RBFOX1: variants seen among roughly 807,000 people sequenced by gnomAD.
RBFOX1 encodes RNA binding fox-1 homolog 1.
Under a neutral mutation model 57.7 loss-of-function variants are expected in RBFOX1, and 8 were observed. That is an observed-to-expected ratio of 0.14 (90% confidence interval 0.08 to 0.25). The LOEUF (loss-of-function observed/expected upper bound fraction) is 0.25. Ranked by LOEUF, RBFOX1 falls within the 10% of genes least tolerant of loss-of-function variation. The pLI, the probability that RBFOX1 is intolerant of heterozygous loss-of-function variation, is 1.00. For missense variants in RBFOX1, 611 were observed against 548.5 expected, an observed-to-expected ratio of 1.11 and a Z score of -1.14; for synonymous variants, 326 against 222.4, an observed-to-expected ratio of 1.47 and a Z score of -4.15.
chr16:7,630,622 G>A lies in RBFOX1; in HGVS notation c.696G>A (p.Gln232=), dbSNP rs2060799650. The part of the protein sequence containing the change: ...EFYAGTVLLC[Q]ANQEGSSMYS... Reference sequence around the variant, plus strand: ...TCGTAGGCACGGTCCTGTTGTGCCAGGCCAACCAGGAGGGATCTTCCATGT... The same window carrying A: ...TCGTAGGCACGGTCCTGTTGTGCCAAGCCAACCAGGAGGGATCTTCCATGT... The change falls in exon 11 of 16, where the codon CAG becomes CAA. Residue 232 remains glutamine (Q), a synonymous_variant. Coordinates refer to ENST00000550418, the MANE Select transcript of RBFOX1 (RefSeq NM_018723.4). The A allele has an allele frequency of 1.2e-6, 2 of 1,614,148 alleles. No individual in the cohort carries two copies. The highest frequency in any genetic ancestry group is 1.3e-5 in the African/African-American group (1 of 75,034).
chr16:6,465,297 G>T (rs1364402731), intron 2 of RBFOX1, among the ~76,000 whole-genome samples: 2 of 152,114 alleles, frequency 1.3e-5, no homozygotes, highest in Non-Finnish European at 2.9e-5. Flanking sequence ...TTATTTCATA[G>T]GGAGAAGGAG....
At chr16:6,571,923 A>C (rs1008689222) in intron 2 of RBFOX1, among the ~76,000 whole-genome samples, 1 of 152,204 alleles carries the variant, frequency 6.6e-6, no homozygotes, top group African/African-American at 2.4e-5. Context: ...CTTTTATTAC[A>C]ATTATGATTA....
chr16:6,485,343 C>T (rs1436882764), intron 2 of RBFOX1, among the ~76,000 whole-genome samples: 1 of 150,086 alleles, frequency 6.7e-6, no homozygotes, highest in Non-Finnish European at 1.5e-5. Flanking sequence ...CTCCCTCCCT[C>T]TCTTACCCCT....
intron 3 of RBFOX1, among the ~76,000 whole-genome samples, chr16:6,851,647 G>C (rs2094071129): frequency 6.6e-6 from 1 of 152,130 alleles, no homozygotes; most frequent in African/African-American, 2.4e-5. Context: ...TGTTGTCAGG[G>C]AAAGAACAAG....
chr16:7,677,509 A>G (rs920315519), intron 14 of RBFOX1, among the ~76,000 whole-genome samples: 4 of 152,132 alleles, frequency 2.6e-5, no homozygotes, highest in African/African-American at 9.7e-5. Flanking sequence ...ATGGATGGGC[A>G]GGTTGCGGGG....
intron 2 of RBFOX1, among the ~76,000 whole-genome samples, chr16:5,506,077 C>T (rs185967434): frequency 7.2e-5 from 11 of 152,276 alleles, no homozygotes; most frequent in African/African-American, 1.9e-4. Flanking sequence ...AAATGAGGAG[C>T]CCTTCCCTTG....
At chr16:7,414,334 A>C (rs971760199) in intron 4 of RBFOX1, among the ~76,000 whole-genome samples, 15 of 152,222 alleles carry the variant, frequency 9.9e-5, no homozygotes, top group African/African-American at 3.6e-4. Flanking sequence ...ACAAAGTTGG[A>C]GTAAAAGTAA....
chr16:6,145,859 A>G lies in RBFOX1; in HGVS notation c.-127+125867A>G, dbSNP rs1197879969. 2.0e-5 allele frequency among the ~76,000 whole-genome samples: 3 copies of G among 152,308 alleles called. No individual in the cohort carries two copies. In the East Asian group the frequency reaches 5.8e-4, roughly 29 times the overall value. ...TAATTAATGGTGTTGCTTTTCTTGTATGTGGCCTTGACAAGACTCTCTCAC... is the reference window on the plus strand; with the variant it reads ...TAATTAATGGTGTTGCTTTTCTTGTGTGTGGCCTTGACAAGACTCTCTCAC... On this transcript the variant is annotated intron_variant, in intron 1 of 15. Transcript: ENST00000550418.
chr16:5,616,616 TTC>T (rs1175933873), intron 3 of RBFOX1, among the ~76,000 whole-genome samples: 2 of 143,478 alleles, frequency 1.4e-5, no homozygotes, highest in Non-Finnish European at 3.1e-5. Flanking sequence ...TCCCTCTCTC[TTC>T]TCTCTCTCCC....
chr16:6,002,848 G>C (rs1173674270), intron 4 of RBFOX1, among the ~76,000 whole-genome samples: 2 of 151,958 alleles, frequency 1.3e-5, no homozygotes, highest in Non-Finnish European at 2.9e-5. Flanking sequence ...GACTCCCATA[G>C]GGTTGTGTGT....
intron 3 of RBFOX1, among the ~76,000 whole-genome samples, chr16:6,928,369 T>A (rs1329536223): frequency 6.6e-6 from 1 of 152,050 alleles, no homozygotes; most frequent in Non-Finnish European, 1.5e-5. Context: ...GAATCCTGAT[T>A]TCTGGAGCCA....
chr16:6,782,204 G>A (rs574042160), intron 3 of RBFOX1, among the ~76,000 whole-genome samples: 8 of 152,144 alleles, frequency 5.3e-5, no homozygotes, highest in East Asian at 1.9e-4. Context: ...ACAGGGTTTC[G>A]CCATGTTGGC....
At chr16:5,818,897 C>G (rs957741281) in intron 3 of RBFOX1, among the ~76,000 whole-genome samples, 1 of 152,164 alleles carries the variant, frequency 6.6e-6, no homozygotes, top group Non-Finnish European at 1.5e-5. Flanking sequence ...CCTCCACCCA[C>G]CAAATACATC....
intron 4 of RBFOX1, among the ~76,000 whole-genome samples, chr16:7,226,019 A>T (rs539423968): frequency 6.6e-6 from 1 of 151,556 alleles, no homozygotes; most frequent in African/African-American, 2.4e-5. Context: ...GAATCTGTAC[A>T]CTCTGCTTTT....
At chr16:5,751,986 G>A (rs2151621720) in intron 3 of RBFOX1, among the ~76,000 whole-genome samples, 1 of 152,230 alleles carries the variant, frequency 6.6e-6, no homozygotes, top group South Asian at 2.1e-4. Flanking sequence ...TATGTTCATT[G>A]TACACTATTC....
chr16:6,276,164 G>A (rs1222943764), intron 1 of RBFOX1, among the ~76,000 whole-genome samples: 1 of 152,106 alleles, frequency 6.6e-6, no homozygotes, highest in Non-Finnish European at 1.5e-5. Context: ...GAAAAACATA[G>A]ATAAACGGAT....
chr16:6,158,268 G>C (rs1244682759), intron 1 of RBFOX1, among the ~76,000 whole-genome samples: 1 of 152,198 alleles, frequency 6.6e-6, no homozygotes, highest in Non-Finnish European at 1.5e-5. Flanking sequence ...AGTGGGTGGA[G>C]GGAAGTGAAG....
intron 3 of RBFOX1, among the ~76,000 whole-genome samples, chr16:6,897,101 A>G (rs150649787): frequency 9.2e-5 from 14 of 152,286 alleles, no homozygotes; most frequent in African/African-American, 3.4e-4. Context: ...GGATGGGGCT[A>G]TTTATATTTG....
intron 2 of RBFOX1, among the ~76,000 whole-genome samples, chr16:6,363,585 G>C (rs943891209): frequency 6.6e-6 from 1 of 152,228 alleles, no homozygotes; most frequent in Non-Finnish European, 1.5e-5. Flanking sequence ...GCAAGAATGA[G>C]TGTCACATTT....
Sources: gnomAD v4.1 joint callset for allele counts (sites outside exome capture counted in the v4.1 genomes callset) on GRCh38, gnomAD v4.1.1 for gene constraint, MANE v1.5 for transcripts, NCBI Gene and HGNC (gene_info 2026-07-23, HGNC 2026-07-21) for gene names.